RPSA2: variants seen among roughly 807,000 people sequenced by gnomAD.
RPSA2 encodes ribosomal protein SA 2.
At chr19:23,812,715 A>G in the RPSA2 span, among the ~76,000 whole-genome samples, 1 of 151,936 alleles carries the variant, frequency 6.6e-6, no homozygotes, top group Non-Finnish European at 1.5e-5. Context: ...CTCATTTTCA[A>G]TGTTGGTTTT....
the RPSA2 span, among the ~76,000 whole-genome samples, chr19:23,854,832 TA>T: frequency 1.3e-5 from 2 of 152,220 alleles, no homozygotes; most frequent in East Asian, 3.8e-4. Context: ...GTCTCTGATC[TA>T]ATGCCTTCAC....
chr19:23,852,213 T>A, the RPSA2 span, among the ~76,000 whole-genome samples: 7 of 152,140 alleles, frequency 4.6e-5, no homozygotes, highest in Admixed American at 4.6e-4. Context: ...GAGATGGGAA[T>A]CTTCATGCAG....
At chr19:23,771,402 T>C in the RPSA2 span, among the ~76,000 whole-genome samples, 1 of 152,214 alleles carries the variant, frequency 6.6e-6, no homozygotes, top group Non-Finnish European at 1.5e-5. Flanking sequence ...CAGACCGTCA[T>C]TGAGACTCAT....
chr19:23,828,386 G>A, the RPSA2 span, among the ~76,000 whole-genome samples: 3 of 142,834 alleles, frequency 2.1e-5, no homozygotes, highest in African/African-American at 7.7e-5. Context: ...ATACTTTTGA[G>A]GTTGGTGTTT....
the RPSA2 span, among the ~76,000 whole-genome samples, chr19:23,771,162 A>G: frequency 2.0e-5 from 3 of 152,216 alleles, no homozygotes; most frequent in African/African-American, 7.2e-5. Context: ...ACTCATATGC[A>G]TAGCCTGCCA....
chr19:23,830,051 G>GTTTTTTT, the RPSA2 span, among the ~76,000 whole-genome samples: 1 of 148,270 alleles, frequency 6.7e-6, no homozygotes. Flanking sequence ...ACTTTGGAAG[G>GTTTTTTT]TTTTTTTTTT....
chr19:23,799,663 G>A, the RPSA2 span, among the ~76,000 whole-genome samples: 1 of 54,118 alleles, frequency 1.8e-5, no homozygotes, highest in Non-Finnish European at 3.9e-5. Context: ...CCCGTCCTCA[G>A]GGAGGAGAGA....
At chr19:23,848,503 A>ACC in the RPSA2 span, among the ~76,000 whole-genome samples, 1 of 152,108 alleles carries the variant, frequency 6.6e-6, no homozygotes, top group African/African-American at 2.4e-5. Flanking sequence ...GATCTAATGT[A>ACC]TAACTCCAGG....
chr19:23,820,503 G>T, the RPSA2 span, among the ~76,000 whole-genome samples: 1 of 152,136 alleles, frequency 6.6e-6, no homozygotes, highest in Non-Finnish European at 1.5e-5. Flanking sequence ...TTCTTTTCTA[G>T]AGTGTGGAGC....
the RPSA2 span, among the ~76,000 whole-genome samples, chr19:23,864,669 A>C: frequency 5.6e-3 from 846 of 152,280 alleles, 5 homozygotes; most frequent in African/African-American, 0.019. Flanking sequence ...TTAATTTTGG[A>C]TATTCACAAG....
At chr19:23,806,608 A>G in the RPSA2 span, among the ~76,000 whole-genome samples, 1 of 151,222 alleles carries the variant, frequency 6.6e-6, no homozygotes, top group Non-Finnish European at 1.5e-5. Context: ...CCACGGTGAA[A>G]CCCCATCCCT....
chr19:23,862,086 C>G, the RPSA2 span, among the ~76,000 whole-genome samples: 2 of 152,022 alleles, frequency 1.3e-5, no homozygotes, highest in East Asian at 1.9e-4. Flanking sequence ...TTGAAGAGGT[C>G]CTTCACGTCC....
chr19:23,789,447 C>G, the RPSA2 span, among the ~76,000 whole-genome samples: 83 of 152,320 alleles, frequency 5.4e-4, 2 homozygotes, highest in East Asian at 0.015. Flanking sequence ...TGATGTGACT[C>G]TTCTGCTTAC....
chr19:23,838,905 C>A, the RPSA2 span, among the ~76,000 whole-genome samples: 1 of 152,056 alleles, frequency 6.6e-6, no homozygotes, highest in Non-Finnish European at 1.5e-5. Flanking sequence ...CTCTTTGTTT[C>A]ATTTACCTTC....
the RPSA2 span, among the ~76,000 whole-genome samples, chr19:23,836,075 G>T: frequency 1.3e-5 from 2 of 152,200 alleles, no homozygotes; most frequent in Admixed American, 1.3e-4. Flanking sequence ...GTGGTGATTT[G>T]TGAGATCTTG....
At chr19:23,781,338 A>T in the RPSA2 span, among the ~76,000 whole-genome samples, 85 of 151,728 alleles carry the variant, frequency 5.6e-4, no homozygotes, top group Admixed American at 1.3e-3. Context: ...TAAGGAGAAT[A>T]ATTTATTTAT....
At chr19:23,770,327 C>T in the RPSA2 span, among the ~76,000 whole-genome samples, 1 of 152,202 alleles carries the variant, frequency 6.6e-6, no homozygotes, top group Admixed American at 6.5e-5. Flanking sequence ...TGCCTAAGCC[C>T]TGCATGCATT....
At chr19:23,800,615 CTTT>C in the RPSA2 span, among the ~76,000 whole-genome samples, 21 of 150,392 alleles carry the variant, frequency 1.4e-4, no homozygotes, top group East Asian at 2.0e-4. Context: ...TTTCTACAAA[CTTT>C]TTTTTTTTTT....
the RPSA2 span, chr19:23,827,161 A>G: frequency 1.2e-6 from 1 of 858,682 alleles, no homozygotes; most frequent in Non-Finnish European, 1.9e-6. Flanking sequence ...AAACTTTCAC[A>G]ATGTCCGGAG....
Sources: allele counts gnomAD v4.1 joint callset (sites outside exome capture counted in the v4.1 genomes callset), GRCh38; gene constraint gnomAD v4.1.1; transcripts MANE v1.5; gene names NCBI Gene and HGNC (gene_info 2026-07-23, HGNC 2026-07-21).